RBM25: variants seen among roughly 807,000 people sequenced by gnomAD.
RBM25 encodes the protein RNA-binding protein 25.
A neutral mutation model predicts 120.7 loss-of-function variants in RBM25; 19 were observed. The observed-to-expected ratio is 0.16, with a 90% CI of 0.11 to 0.23. The LOEUF (loss-of-function observed/expected upper bound fraction) is 0.23, where lower values mean the gene tolerates loss of function less well. Ranked by LOEUF, RBM25 falls within the 10% of genes least tolerant of loss-of-function variation. RBM25 has a pLI of 1.00. For missense variants in RBM25, 605 were observed against 1,041.5 expected (o/e 0.58, Z 5.77); for synonymous variants, 390 against 326.7 (o/e 1.19, Z -2.09).
chr14:73,093,356 C>A (rs1427752428), intron 6 of RBM25, among the ~76,000 whole-genome samples: 1 of 152,208 alleles, frequency 6.6e-6, no homozygotes, highest in Non-Finnish European at 1.5e-5. Flanking sequence ...AGCTGTTTAA[C>A]TTCACAGCTA....
At chr14:73,067,878 T>C (rs879635753) in intron 1 of RBM25, among the ~76,000 whole-genome samples, 4 of 151,888 alleles carry the variant, frequency 2.6e-5, no homozygotes, top group Non-Finnish European at 4.4e-5. Flanking sequence ...GGATTACAGG[T>C]GTGAGCCACC....
At chr14:73,070,575 T>C (rs2140426402) in intron 1 of RBM25, among the ~76,000 whole-genome samples, 1 of 152,166 alleles carries the variant, frequency 6.6e-6, no homozygotes, top group African/African-American at 2.4e-5. Flanking sequence ...TGAGCACATT[T>C]GTCTCTTAGG....
intron 1 of RBM25, among the ~76,000 whole-genome samples, chr14:73,066,881 A>G (rs1396986198): frequency 1.3e-5 from 2 of 152,132 alleles, no homozygotes; most frequent in Admixed American, 1.3e-4. Context: ...CTCATTAGTC[A>G]TGAGGGAAAT....
chr14:73,069,746 T>TTA (rs545485336), intron 1 of RBM25: 1 of 44,154 alleles, frequency 2.3e-5, no homozygotes, highest in African/African-American at 8.1e-5. Context: ...CCCTGTTTCT[T>TTA]AAAAAAAAAA....
intron 10 of RBM25, among the ~76,000 whole-genome samples, chr14:73,103,966 AC>A (rs1896121219): frequency 7.1e-6 from 1 of 140,870 alleles, no homozygotes; most frequent in African/African-American, 2.7e-5. Flanking sequence ...ACACACACAC[AC>A]ACACACACAC....
At chr14:73,086,645 C>T (rs977348414) in intron 5 of RBM25, among the ~76,000 whole-genome samples, 7 of 152,134 alleles carry the variant, frequency 4.6e-5, no homozygotes, top group African/African-American at 1.2e-4. Context: ...TTGCATTGCA[C>T]ATATAACAGT....
chr14:73,091,709 T>A (rs1355964421), intron 6 of RBM25, among the ~76,000 whole-genome samples: 2 of 148,912 alleles, frequency 1.3e-5, no homozygotes, highest in Non-Finnish European at 3.0e-5. Flanking sequence ...CCATCTCTAC[T>A]AAAAAAAAAA....
At chr14:73,073,089 A>T (rs560365563) in intron 2 of RBM25, among the ~76,000 whole-genome samples, 94 of 152,118 alleles carry the variant, frequency 6.2e-4, no homozygotes, top group African/African-American at 2.1e-3. Flanking sequence ...GTTAATTAAA[A>T]TTTTTTTAAA....
chr14:73,060,196 G>C (rs537365061), intron 1 of RBM25, among the ~76,000 whole-genome samples: 4 of 147,704 alleles, frequency 2.7e-5, no homozygotes, highest in South Asian at 2.1e-4. Flanking sequence ...GCGCCACCAC[G>C]CCCGGCTAAT....
At chr14:73,083,803 G>T (rs139613876) in intron 5 of RBM25, among the ~76,000 whole-genome samples, 159 of 151,856 alleles carry the variant, frequency 1.0e-3, no homozygotes, top group African/African-American at 3.4e-3. Flanking sequence ...CTGGTTTCTT[G>T]TTCTTTCAAA....
In RBM25 at chr14:73,111,690, G is replaced by C; in HGVS notation, c.2180G>C (p.Gly727Ala). 1 of 1,614,098 alleles carries C rather than the reference G, an allele frequency of 6.2e-7. No individual in the cohort carries two copies. The highest frequency in any genetic ancestry group is 8.5e-7 in the Non-Finnish European group (1 of 1,180,024). The change falls in exon 16 of 19, where the codon GGC becomes GCC. Residue 727 changes from glycine to alanine, a missense_variant. By Grantham distance (60) the Gly-to-Ala change is moderately conservative (BLOSUM62 0). Transcript: ENST00000261973. The part of the protein sequence containing the change: ...YGEDDKNATK[G>A]TVNTEEKRKH... ...GAAGATGATAAAAATGCAACCAAAG[G>C]CACTGTAAACACTGAAGAAAAGCGT...
chr14:73,107,692 A>G, intron 12 of RBM25, 134 bp from the exon 13 acceptor site: 1 of 679,048 alleles, frequency 1.5e-6, no homozygotes, highest in Non-Finnish European at 2.6e-6. Context: ...AATTATGTGA[A>G]GAGAAATTCC....
At chr14:73,082,941 G>A (rs546865374) in intron 4 of RBM25, among the ~76,000 whole-genome samples, 3 of 151,862 alleles carry the variant, frequency 2.0e-5, no homozygotes, top group African/African-American at 7.2e-5. Flanking sequence ...TTATCCAGGC[G>A]TGGTGGTGCC....
chr14:73,080,463 T>A (rs1321023355), intron 4 of RBM25, among the ~76,000 whole-genome samples: 3 of 152,168 alleles, frequency 2.0e-5, no homozygotes, highest in African/African-American at 7.2e-5. Flanking sequence ...GACCTCGTGA[T>A]CTGCCCGCTT....
chr14:73,110,244 G>A (rs1056895528), intron 14 of RBM25, among the ~76,000 whole-genome samples: 1 of 151,184 alleles, frequency 6.6e-6, no homozygotes, highest in Non-Finnish European at 1.5e-5. Flanking sequence ...GTGCAGTAGC[G>A]GAATCTCTGT....
At chr14:73,105,038 TACACACACACAC>T (rs57281649) in intron 10 of RBM25, among the ~76,000 whole-genome samples, 2 of 141,146 alleles carry the variant, frequency 1.4e-5, no homozygotes, top group Non-Finnish European at 3.0e-5. Flanking sequence ...ACATATTAAA[TACACACACACAC>T]ACACACACAC....
At chr14:73,114,221 A>C (rs1379509367) in intron 17 of RBM25, 65 bp from the exon 18 acceptor site, 1 of 1,215,112 alleles carries the variant, frequency 8.2e-7, no homozygotes, top group Non-Finnish European at 1.2e-6. Context: ...CATACCTTAA[A>C]ATTTCTTGAC....
chr14:73,077,574 T>A, intron 4 of RBM25, 38 bp downstream of exon 4: 1 of 1,499,250 alleles, frequency 6.7e-7, no homozygotes, highest in South Asian at 1.3e-5. Flanking sequence ...AAAATTTTTT[T>A]ATCATTCTAC....
intron 6 of RBM25, among the ~76,000 whole-genome samples, chr14:73,090,282 C>T (rs1184212452): frequency 3.3e-5 from 5 of 152,032 alleles, no homozygotes; most frequent in Non-Finnish European, 5.9e-5. Flanking sequence ...AGCTCCTGAC[C>T]TCAGGTGATC....
Sources: gnomAD v4.1 joint callset for allele counts (sites outside exome capture counted in the v4.1 genomes callset) on GRCh38, gnomAD v4.1.1 for gene constraint, MANE v1.5 for transcripts, NCBI Gene and HGNC (gene_info 2026-07-23, HGNC 2026-07-21) for gene names.